The following IPMK variants were observed in gnomAD, a reference collection of about 807,000 sequenced individuals.
IPMK encodes inositol 1,3,4,6-tetrakisphosphate 5-kinase.
In IPMK, 17 loss-of-function variants were observed where a neutral mutation model predicts 45.8. That is an observed-to-expected ratio of 0.37 (90% CI 0.25 to 0.56). The LOEUF is 0.56. IPMK is among the 20% of genes least tolerant of loss of function. The pLI, the probability that IPMK is intolerant of heterozygous loss-of-function variation, is 0.79. For synonymous variants in IPMK, 180 were observed against 184.3 expected, an observed-to-expected ratio of 0.98 and a Z score of 0.19; for missense variants, 399 against 498.0, an observed-to-expected ratio of 0.80 and a Z score of 1.89.
At chr10:58,223,777 C>G (rs945894958) in intron 3 of IPMK, among the ~76,000 whole-genome samples, 9 of 152,074 alleles carry the variant, frequency 5.9e-5, no homozygotes, top group African/African-American at 1.2e-4. Flanking sequence ...GTGTTTTCCC[C>G]CAAGCTGTTC....
At position 58,194,661 on chromosome 10, in the gene IPMK, A is replaced by C. The variant is rs1397468302; in HGVS notation, c.*1415T>G. ...TAAAGGTGCTCGGATTTAAAAATTC[A>C]ATTTGTAACTCCAGAAGAAAAAGAG... On this transcript the variant is annotated 3_prime_UTR_variant, in exon 6 of 6. Coordinates refer to ENST00000373935, the MANE Select transcript of IPMK (RefSeq NM_152230.5). 6.6e-6 allele frequency: 1 copy of C among 151,968 alleles called. No homozygotes were observed. The highest frequency in any genetic ancestry group is 1.5e-5 in the Non-Finnish European group (1 of 67,832). The allele number at this position is 151,968 out of a possible 1,614,324, so 9.4% of individuals were successfully genotyped here.
intron 3 of IPMK, among the ~76,000 whole-genome samples, chr10:58,217,101 G>A (rs1475331832): frequency 1.3e-5 from 2 of 148,874 alleles, no homozygotes; most frequent in African/African-American, 2.5e-5. Context: ...TGCCTGCCTC[G>A]GCCTCCCAAA....
chr10:58,216,098 G>GAT, intron 4 of IPMK, 47 bp downstream of exon 4: 1 of 1,212,818 alleles, frequency 8.2e-7, no homozygotes, highest in Non-Finnish European at 1.1e-6. Context: ...TTCAAGGGAA[G>GAT]AACATGTACA....
intron 4 of IPMK, among the ~76,000 whole-genome samples, chr10:58,212,337 C>T (rs973692143): frequency 2.6e-5 from 4 of 152,138 alleles, no homozygotes; most frequent in East Asian, 1.9e-4. Flanking sequence ...AGTTTAAATG[C>T]ATTTTGTTTT....
At position 58,196,284 on chromosome 10, in the gene IPMK, C is replaced by T. The variant is rs755724483; in HGVS notation, c.1043G>A (p.Ser348Asn). 5 of 1,613,984 alleles carry T rather than the reference C, an allele frequency of 3.1e-6. No individual in the cohort carries two copies. The African/African-American group carries it at 6.7e-5, about 22-fold the overall frequency. ...TCCATTTAAATGTTCCTGTGACATG[C>T]TTTTCCACCCATTGTCTTGCTCCAG... Reference protein sequence around the residue: ...ENLEQDNGWKSMSQEHLNGNV... With the variant: ...ENLEQDNGWKNMSQEHLNGNV... The change falls in exon 6 of 6, where the codon AGC (serine) becomes AAC (asparagine). Residue 348 changes from serine (S) to asparagine (N), a missense_variant. By Grantham distance (46) the Ser-to-Asn change is conservative. Coordinates refer to ENST00000373935, the MANE Select transcript of IPMK (RefSeq NM_152230.5).
chr10:58,236,642 A>T (rs2440848), intron 2 of IPMK, among the ~76,000 whole-genome samples: 51,449 of 152,004 alleles, frequency 0.34, 10,959 homozygotes, highest in African/African-American at 0.61. Flanking sequence ...TCGTGGCTCA[A>T]GCCCGTAATC....
At chr10:58,200,686 T>C (rs961675357) in intron 4 of IPMK, among the ~76,000 whole-genome samples, 2 of 152,252 alleles carry the variant, frequency 1.3e-5, no homozygotes, top group African/African-American at 4.8e-5. Flanking sequence ...CTTGTATTCA[T>C]ACCTGATATC....
intron 1 of IPMK, among the ~76,000 whole-genome samples, chr10:58,255,595 G>T (rs1451469822): frequency 1.3e-5 from 2 of 152,024 alleles, no homozygotes; most frequent in Non-Finnish European, 2.9e-5. Flanking sequence ...TGAGGTAGGG[G>T]ATCTTCTATT....
At chr10:58,244,297 G>A (rs1204947470) in intron 1 of IPMK, among the ~76,000 whole-genome samples, 1 of 50,552 alleles carries the variant, frequency 2.0e-5, no homozygotes, top group African/African-American at 8.2e-5. Context: ...TCGGGGAAGT[G>A]GGCGCCTCTG....
At chr10:58,257,927 A>C (rs1838996895) in intron 1 of IPMK, among the ~76,000 whole-genome samples, 1 of 152,236 alleles carries the variant, frequency 6.6e-6, no homozygotes, top group Admixed American at 6.5e-5. Flanking sequence ...TTGGTGGTTC[A>C]AAATACATGA....
Position 58,196,389 on chromosome 10 carries a change from C to T in IPMK, c.938G>A (p.Ser313Asn). The change falls in exon 6 of 6, where the codon AGC becomes AAC. Residue 313 changes from serine to asparagine, a missense_variant. Ser to Asn is a conservative substitution (Grantham distance 46). Coordinates refer to ENST00000373935, the MANE Select transcript of IPMK (RefSeq NM_152230.5). Reference protein sequence around the residue: ...NGKIESSVGKSLSKMYARHRK... With the variant: ...NGKIESSVGKNLSKMYARHRK... The stretch of plus-strand genomic sequence containing the variant: ...GTGACGCGCATACATCTTGGACAAG[C>T]TTTTGCCCACTGAAGACTCTATTTT... 1 of 1,614,062 alleles carries T rather than the reference C, an allele frequency of 6.2e-7. No homozygotes were observed. The highest frequency in any genetic ancestry group is 8.5e-7 in the Non-Finnish European group (1 of 1,179,984).
Position 58,224,226 on chromosome 10 carries a change from CCAAT to C in IPMK, c.373+2813_373+2816del, listed in dbSNP as rs557648539. On this transcript the variant is annotated intron_variant, in intron 3 of 5. Transcript: ENST00000373935. ...ACTAGTAGCTAGCTCCAGAAAACTA[CCAAT>C]CAATCAGACTAGAGATTACATTTTG... Among the ~76,000 whole-genome samples the C allele has an allele frequency of 1.5e-3, 235 of 152,304 alleles. 2 individuals are homozygous for C. The highest frequency in any genetic ancestry group is 0.011 in the South Asian group (55 of 4,832).
At chr10:58,219,799 T>C (rs566494048) in intron 3 of IPMK, among the ~76,000 whole-genome samples, 2 of 152,360 alleles carry the variant, frequency 1.3e-5, no homozygotes, top group East Asian at 1.9e-4. Flanking sequence ...GTCTGTCTTA[T>C]AAACATTGAG....
At chr10:58,243,795 C>G (rs1001982467) in intron 1 of IPMK, among the ~76,000 whole-genome samples, 1 of 152,244 alleles carries the variant, frequency 6.6e-6, no homozygotes, top group Non-Finnish European at 1.5e-5. Context: ...GCCACCCCAT[C>G]TAGGAAGTGA....
At chr10:58,243,824 C>A (rs1276353035) in intron 1 of IPMK, among the ~76,000 whole-genome samples, 2 of 152,184 alleles carry the variant, frequency 1.3e-5, no homozygotes, top group Non-Finnish European at 2.9e-5. Flanking sequence ...TCTGCCTGGC[C>A]GCCCATCGTC....
chr10:58,242,320 C>T (rs1189328632), intron 1 of IPMK, among the ~76,000 whole-genome samples: 7 of 152,022 alleles, frequency 4.6e-5, no homozygotes, highest in African/African-American at 1.4e-4. Context: ...ATTAGCCAGG[C>T]GTTGTGGCGG....
In IPMK at chr10:58,211,901, C is replaced by CAAAAAA. The variant is rs753050298; in HGVS notation, c.546+4238_546+4243dup. ...CACTCCAGCCTGGGTGACATCTCAC[C>CAAAAAA]AAAAAAAAAAAAAAAAAAAAAAAAT... On this transcript the variant is annotated intron_variant, in intron 4 of 5. Transcript: ENST00000373935. Among the ~76,000 whole-genome samples, 254 of 50,254 alleles carry CAAAAAA rather than the reference C, an allele frequency of 5.1e-3. 5 individuals carry two copies. Among genetic ancestry groups the CAAAAAA allele is most frequent in the East Asian group, 0.023 (30 of 1,298 alleles). The allele number at this position is 50,254 out of a possible 152,430, so 33.0% of individuals were successfully genotyped here.
chr10:58,267,478 C>A lies in IPMK; in HGVS notation c.134G>T (p.Gly45Val), dbSNP rs1447282760. The A allele has an allele frequency of 1.2e-6, 2 of 1,613,712 alleles. No individual in the cohort carries two copies. The highest frequency in any genetic ancestry group is 8.5e-7 in the Non-Finnish European group (1 of 1,179,898). The change falls in exon 1 of 6, where the codon GGC becomes GTC. Residue 45 changes from glycine to valine, a missense_variant. Coordinates refer to ENST00000373935, the MANE Select transcript of IPMK (RefSeq NM_152230.5). ...CACCTGATGCGAGAGGGGCACGCAG[C>A]CGTTGAGGAAGCGGAGTCTGCCGCC... ...PAGGRLRFLN[G>V]CVPLSHQVAG...
At chr10:58,199,439 G>T in intron 4 of IPMK, 118 bp from the exon 5 acceptor site, 1 of 543,316 alleles carries the variant, frequency 1.8e-6, no homozygotes, top group South Asian at 4.2e-5. Context: ...TAATAGATTT[G>T]AGAAGAAAAA....
Sources: gnomAD v4.1 joint callset for allele counts (sites outside exome capture counted in the v4.1 genomes callset) on GRCh38, gnomAD v4.1.1 for gene constraint, MANE v1.5 for transcripts, NCBI Gene and HGNC (gene_info 2026-07-23, HGNC 2026-07-21) for gene names.